Variants in BMPR1B observed in about 807,000 individuals in gnomAD.
BMPR1B encodes the protein bone morphogenetic protein receptor type 1B, also known as bone morphogenetic protein receptor type-1B.
In BMPR1B, 12 loss-of-function variants were observed where a neutral mutation model predicts 59.1. The ratio of observed to expected loss-of-function variants is 0.20; its 90% CI spans 0.13 to 0.33. BMPR1B has a LOEUF of 0.33. Among genes scored for constraint, BMPR1B ranks in the 10% least tolerant of loss-of-function variants. BMPR1B has a pLI of 1.00. For synonymous variants in BMPR1B, 237 were observed against 207.3 expected, an observed-to-expected ratio of 1.14 and a Z score of -1.23; for missense variants, 550 against 610.9, an observed-to-expected ratio of 0.90 and a Z score of 1.05.
rs540232461 is a variant in BMPR1B, at chr4:95,158,157, A to G, written c.*3484A>G. The G allele has an allele frequency of 6.6e-6, 1 of 152,206 alleles. No homozygotes were observed. Among genetic ancestry groups the G allele is most frequent in the Non-Finnish European group, 1.5e-5 (1 of 68,034 alleles). 9.4% of individuals were successfully genotyped at this position (152,206 alleles called of 1,614,324 possible). ...ACACATAGCAGTGGAAATGAAAGAA[A>G]TGGCATCAGAAGTGACTTAATTTAG... On this transcript the variant is annotated 3_prime_UTR_variant, in exon 13 of 13. Transcript: ENST00000515059.
At chr4:95,002,115 T>C (rs1395634679) in intron 3 of BMPR1B, among the ~76,000 whole-genome samples, 1 of 152,138 alleles carries the variant, frequency 6.6e-6, no homozygotes, top group Non-Finnish European at 1.5e-5. Context: ...CTAGGTAGTT[T>C]TTCTCTCTTC....
intron 1 of BMPR1B, among the ~76,000 whole-genome samples, chr4:94,818,538 G>A (rs1724092744): frequency 6.6e-6 from 1 of 152,192 alleles, no homozygotes; most frequent in African/African-American, 2.4e-5. Flanking sequence ...AGTATTGTAG[G>A]TGCTTAGATT....
At chr4:95,026,098 A>ATTTCTTTCTTTCTCTC (rs1724344287) in intron 3 of BMPR1B, among the ~76,000 whole-genome samples, 2 of 101,622 alleles carry the variant, frequency 2.0e-5, no homozygotes, top group Admixed American at 9.9e-5. Context: ...GCTTTCTTTC[A>ATTTCTTTCTTTCTCTC]TTTCTTTCTT....
At position 94,809,834 on chromosome 4, in the gene BMPR1B, A is replaced by C. The variant is rs371538366; in HGVS notation, c.-183+51766A>C. On this transcript the variant is annotated intron_variant, in intron 1 of 12. Coordinates refer to ENST00000515059, the MANE Select transcript of BMPR1B (RefSeq NM_001203.3). ...TCTATCTGGCCTCTGCCAGTATCCC[A>C]AGTTTTGAGGCAAAAGTAGTAGAGT... 2.0e-5 allele frequency among the ~76,000 whole-genome samples: 3 copies of C among 152,214 alleles called. No individual in the cohort carries two copies. The East Asian group carries it at 5.8e-4, about 29-fold the overall frequency.
At chr4:94,853,248 G>A (rs879833572) in intron 1 of BMPR1B, among the ~76,000 whole-genome samples, 2 of 152,100 alleles carry the variant, frequency 1.3e-5, no homozygotes, top group South Asian at 2.1e-4. Context: ...AGTTTCTTTG[G>A]GAAAGACTCA....
At chr4:94,782,613 A>G (rs191859650) in intron 1 of BMPR1B, among the ~76,000 whole-genome samples, 46 of 152,278 alleles carry the variant, frequency 3.0e-4, no homozygotes, top group Admixed American at 2.2e-3. Flanking sequence ...GCCAGTTACT[A>G]TACTTTTTAT....
chr4:94,902,279 GAGAGAGAGAGAGAGA>G (rs1727861343), intron 2 of BMPR1B, among the ~76,000 whole-genome samples: 1 of 142,226 alleles, frequency 7.0e-6, no homozygotes, highest in African/African-American at 2.6e-5. Flanking sequence ...GAGAGAGAGA[GAGAGAGAGAGAGAGA>G]AGATGGGGAA....
intron 1 of BMPR1B, among the ~76,000 whole-genome samples, chr4:94,868,603 G>A (rs1726351628): frequency 6.6e-6 from 1 of 152,180 alleles, no homozygotes; most frequent in Non-Finnish European, 1.5e-5. Context: ...TTTGTTTCCA[G>A]TGTTGAACGA....
chr4:94,870,460 G>A (rs575873726), intron 1 of BMPR1B, among the ~76,000 whole-genome samples: 1 of 152,224 alleles, frequency 6.6e-6, no homozygotes, highest in African/African-American at 2.4e-5. Flanking sequence ...GATGGTTATG[G>A]AGTTTCTGCT....
chr4:94,999,787 T>C lies in BMPR1B; in HGVS notation c.-18+3653T>C, dbSNP rs1290017130. On this transcript the variant is annotated intron_variant, in intron 3 of 12. Transcript: ENST00000515059. ...TTACTAGTAAACCTTCAAATTTCAT[T>C]TACTGGGGCAGAGATAGTTCGGGTT... Among the ~76,000 whole-genome samples the C allele has an allele frequency of 3.3e-5, 5 of 152,144 alleles. No individual in the cohort carries two copies. The South Asian group carries it at 8.3e-4, about 25-fold the overall frequency.
chr4:94,856,519 C>G (rs552242082), intron 1 of BMPR1B, among the ~76,000 whole-genome samples: 1 of 152,276 alleles, frequency 6.6e-6, no homozygotes, highest in Non-Finnish European at 1.5e-5. Context: ...TTTTAGTTTT[C>G]AAGTGCTCCT....
At chr4:94,991,015 T>A (rs1721718128) in intron 2 of BMPR1B, among the ~76,000 whole-genome samples, 1 of 152,218 alleles carries the variant, frequency 6.6e-6, no homozygotes, top group Admixed American at 6.5e-5. Flanking sequence ...AAATTTGTCC[T>A]TTTAAATTGT....
chr4:95,137,390 T>A (rs1579144159), intron 10 of BMPR1B, among the ~76,000 whole-genome samples: 1 of 152,206 alleles, frequency 6.6e-6, no homozygotes. Flanking sequence ...ATTCTGTTGA[T>A]TTGGGGTGGA....
intron 1 of BMPR1B, among the ~76,000 whole-genome samples, chr4:94,794,864 G>A (rs1472521974): frequency 3.2e-4 from 46 of 145,030 alleles, no homozygotes; most frequent in Admixed American, 2.6e-3. Context: ...TTTGTACATT[G>A]ATTTTGTATC....
intron 2 of BMPR1B, among the ~76,000 whole-genome samples, chr4:94,978,717 CAACAG>C (rs1161125556): frequency 2.0e-5 from 3 of 152,106 alleles, no homozygotes; most frequent in Non-Finnish European, 4.4e-5. Flanking sequence ...GTCTCAAAGA[CAACAG>C]AAGAAGAACA....
chr4:94,993,398 T>C (rs923021335), intron 2 of BMPR1B, among the ~76,000 whole-genome samples: 20 of 152,210 alleles, frequency 1.3e-4, no homozygotes, highest in Non-Finnish European at 2.9e-5. Flanking sequence ...GTTATTATGG[T>C]GCATTATCCT....
chr4:94,899,666 GT>G (rs1440593429), intron 2 of BMPR1B, among the ~76,000 whole-genome samples: 1 of 151,838 alleles, frequency 6.6e-6, no homozygotes, highest in Non-Finnish European at 1.5e-5. Context: ...AAGCGTTGAT[GT>G]TTTATAACTG....
At chr4:95,107,201 G>C (rs1485505510) in intron 4 of BMPR1B, among the ~76,000 whole-genome samples, 1 of 152,020 alleles carries the variant, frequency 6.6e-6, no homozygotes, top group Non-Finnish European at 1.5e-5. Flanking sequence ...AGATACTAAA[G>C]AATTCACAAT....
chr4:94,848,755 T>A (rs1330071079), intron 1 of BMPR1B, among the ~76,000 whole-genome samples: 1 of 152,122 alleles, frequency 6.6e-6, no homozygotes, highest in Non-Finnish European at 1.5e-5. Context: ...ACTGAAGCGG[T>A]TCCAGGTGGG....
Sources: allele counts gnomAD v4.1 joint callset (sites outside exome capture counted in the v4.1 genomes callset), GRCh38; gene constraint gnomAD v4.1.1; transcripts MANE v1.5; gene names NCBI Gene and HGNC (gene_info 2026-07-23, HGNC 2026-07-21).